The following UBAP2 variants were observed in gnomAD, a reference collection of about 807,000 sequenced individuals.
UBAP2 encodes ubiquitin-associated protein 2.
Under a neutral mutation model 139.6 loss-of-function variants are expected in UBAP2, and 75 were observed. The observed-to-expected ratio is 0.54, with a 90% CI of 0.45 to 0.65. The LOEUF (loss-of-function observed/expected upper bound fraction) is 0.65, where lower values mean the gene tolerates loss of function less well. Among genes scored for constraint, UBAP2 ranks in the 30% least tolerant of loss-of-function variants. UBAP2 has a pLI of 0.00. For synonymous variants in UBAP2, 526 were observed against 526.2 expected, an observed-to-expected ratio of 1.00 and a Z score of 0.01; for missense variants, 1,368 against 1,369.6, an observed-to-expected ratio of 1.00 and a Z score of 0.02.
rs962656822 is a variant in UBAP2, at chr9:33,926,332, G to A, written c.2511+285C>T. The stretch of plus-strand genomic sequence containing the variant: ...AAAAGAGAGAGAAAACAAGATGGAG[G>A]AGGGAAGATAAGGACCAACATTTAA... On this transcript the variant is annotated intron_variant, in intron 22 of 28. Coordinates refer to ENST00000379238, the MANE Select transcript of UBAP2 (RefSeq NM_001370062.2). Among the ~76,000 whole-genome samples the A allele has an allele frequency of 4.6e-5, 7 of 152,198 alleles. No homozygotes were observed. In the East Asian group the frequency reaches 1.3e-3, roughly 29 times the overall value.
At chr9:33,968,619 G>GA in intron 8 of UBAP2, 1 of 276,398 alleles carries the variant, frequency 3.6e-6, no homozygotes, top group Non-Finnish European at 7.1e-6. Context: ...TTTCCTTACT[G>GA]AAATAATCAT....
At chr9:33,942,236 C>T (rs138680124) in intron 15 of UBAP2, among the ~76,000 whole-genome samples, 2 of 152,172 alleles carry the variant, frequency 1.3e-5, no homozygotes, top group African/African-American at 2.4e-5. Context: ...CACTTGAACT[C>T]GGGAGGCAGA....
At chr9:34,019,057 A>T (rs765761660) in intron 1 of UBAP2, among the ~76,000 whole-genome samples, 9 of 152,168 alleles carry the variant, frequency 5.9e-5, no homozygotes. Context: ...ATGCTACCAC[A>T]TGGATGCACC....
At chr9:33,996,493 G>C in intron 3 of UBAP2, 160 bp from the exon 4 acceptor site, 2 of 564,276 alleles carry the variant, frequency 3.5e-6, no homozygotes, top group Non-Finnish European at 6.2e-6. Flanking sequence ...TTATTTTTTT[G>C]TGGCCATTCC....
chr9:33,935,923 A>G (rs1226382637), intron 16 of UBAP2, 45 bp from the exon 17 acceptor site: 7 of 1,581,238 alleles, frequency 4.4e-6, no homozygotes, highest in Non-Finnish European at 6.0e-6. Context: ...ACAAAATGAA[A>G]TCATTACCTG....
At chr9:33,992,649 A>ATCG in intron 4 of UBAP2, among the ~76,000 whole-genome samples, 1 of 48,540 alleles carries the variant, frequency 2.1e-5, no homozygotes. Context: ...AAGACAACTT[A>ATCG]TCGGGCGGAG....
chr9:33,974,588 T>C (rs1021332422), intron 6 of UBAP2, among the ~76,000 whole-genome samples: 3 of 152,114 alleles, frequency 2.0e-5, no homozygotes, highest in Admixed American at 2.0e-4. Context: ...ATAAATTATA[T>C]ATCTGATCAC....
chr9:34,018,313 G>A (rs967272311), intron 1 of UBAP2, among the ~76,000 whole-genome samples: 1 of 150,700 alleles, frequency 6.6e-6, no homozygotes, highest in South Asian at 2.1e-4. Context: ...TAAAAGAGCT[G>A]TAACACTATA....
chr9:33,935,166 G>GA lies in UBAP2; in HGVS notation c.1969+672_1969+673insT, dbSNP rs757284104. Among the ~76,000 whole-genome samples, 249 of 57,442 alleles carry GA rather than the reference G, an allele frequency of 4.3e-3. 6 individuals are homozygous for GA. Among genetic ancestry groups the GA allele is most frequent in the African/African-American group, 9.7e-3 (240 of 24,778 alleles). The allele number at this position is 57,442 out of a possible 152,430, so 37.7% of individuals were successfully genotyped here. A position where few individuals can be genotyped will look rare whatever the true frequency, so the allele number is the denominator to read the frequency against. ...ATCACTGAGCTGTTGGAAGTGGCGG[G>GA]GGGGGGGGGTCTCATTTTCTCCCAA... On this transcript the variant is annotated intron_variant, in intron 17 of 28. Transcript: ENST00000379238.
intron 1 of UBAP2, among the ~76,000 whole-genome samples, chr9:34,017,803 T>G (rs1010352274): frequency 6.6e-6 from 1 of 152,056 alleles, no homozygotes; most frequent in Non-Finnish European, 1.5e-5. Context: ...GGCAGGCATC[T>G]GTAGTCCCAG....
intron 1 of UBAP2, among the ~76,000 whole-genome samples, chr9:34,029,949 T>G (rs1430239544): frequency 4.4e-4 from 64 of 144,654 alleles, no homozygotes; most frequent in African/African-American, 1.4e-3. Context: ...ATTGCGCCAC[T>G]GCACTCCAGC....
At chr9:33,957,325 C>A (rs1826654711) in intron 10 of UBAP2, among the ~76,000 whole-genome samples, 1 of 152,128 alleles carries the variant, frequency 6.6e-6, no homozygotes, top group African/African-American at 2.4e-5. Flanking sequence ...ACATAGGCCC[C>A]CATGAAACCA....
intron 8 of UBAP2, 33 bp downstream of exon 8, chr9:33,971,617 TA>T: frequency 8.1e-7 from 1 of 1,230,054 alleles, no homozygotes; most frequent in Non-Finnish European, 1.2e-6. Flanking sequence ...CTCAAACATT[TA>T]AAACTCATCT....
intron 11 of UBAP2, among the ~76,000 whole-genome samples, chr9:33,954,799 A>G (rs572563586): frequency 6.6e-6 from 1 of 152,344 alleles, no homozygotes; most frequent in Admixed American, 6.5e-5. Context: ...AGACATAATC[A>G]TTAATCATTT....
rs1449081837 is a variant in UBAP2, at chr9:33,943,502, G to A, written c.1633C>T (p.Pro545Ser). 1 of 1,614,156 alleles carries A rather than the reference G, an allele frequency of 6.2e-7. No individual in the cohort carries two copies. Among genetic ancestry groups the A allele is most frequent in the Admixed American group, 1.7e-5 (1 of 60,012 alleles). Residue 545 changes from proline (P) to serine (S), a missense_variant, in exon 15 of 29, where the codon CCT becomes TCT. By Grantham distance (74) the Pro-to-Ser change is moderately conservative. Transcript: ENST00000379238. ...GCTGATCCAAATTCAGAGAGAGAAG[G>A]TTCTGACCCAAATTCCAGAGCCCCA... The part of the protein sequence containing the change: ...QFGALEFGSE[P>S]SLSEFGSAPS...
Position 33,950,035 on chromosome 9 carries a change from A to G in UBAP2, c.1057-1448T>C, listed in dbSNP as rs557646942. Among the ~76,000 whole-genome samples, 6 of 152,040 alleles carry G rather than the reference A, an allele frequency of 3.9e-5. No homozygotes were observed. The South Asian group carries it at 8.4e-4, about 21-fold the overall frequency. On this transcript the variant is annotated intron_variant, in intron 12 of 28. Transcript: ENST00000379238. The stretch of plus-strand genomic sequence containing the variant: ...TTACATATCAAGATCATTCTGAAAT[A>G]TAAGTTCTTCATCAAAAATAACATT...
chr9:33,988,541 A>C (rs547460574), intron 5 of UBAP2, among the ~76,000 whole-genome samples: 1 of 152,350 alleles, frequency 6.6e-6, no homozygotes, highest in African/African-American at 2.4e-5. Flanking sequence ...CTATAAATGG[A>C]GAATATAAAA....
chr9:33,949,234 TTAAA>T (rs1825895723), intron 12 of UBAP2, among the ~76,000 whole-genome samples: 1 of 152,078 alleles, frequency 6.6e-6, no homozygotes, highest in Admixed American at 6.6e-5. Context: ...AAGTTCACAA[TTAAA>T]TATCACTATT....
At position 33,922,761 on chromosome 9, in the gene UBAP2, A is replaced by C; in HGVS notation, c.3190T>G (p.Phe1064Val). ...GAAPGYAPPPFLHILPAHQQP... is the reference protein window; with the variant it reads ...GAAPGYAPPPVLHILPAHQQP... Reference sequence around the variant, plus strand: ...TGGTGGGCTGGCAAGATGTGTAGGAATGGTGGGGGTGCATAGCCAGGGGCC... The same window carrying C: ...TGGTGGGCTGGCAAGATGTGTAGGACTGGTGGGGGTGCATAGCCAGGGGCC... Residue 1064 changes from phenylalanine (F) to valine (V), a missense_variant, in exon 28 of 29, where the codon TTC becomes GTC. By Grantham distance (50) the Phe-to-Val change is conservative (BLOSUM62 -1). Coordinates refer to ENST00000379238, the MANE Select transcript of UBAP2 (RefSeq NM_001370062.2). 1 of 1,559,400 alleles carries C rather than the reference A, an allele frequency of 6.4e-7. No homozygotes were observed. Among genetic ancestry groups the C allele is most frequent in the Non-Finnish European group, 8.7e-7 (1 of 1,153,734 alleles).
Sources: gnomAD v4.1 joint callset for allele counts (sites outside exome capture counted in the v4.1 genomes callset) on GRCh38, gnomAD v4.1.1 for gene constraint, MANE v1.5 for transcripts, NCBI Gene and HGNC (gene_info 2026-07-23, HGNC 2026-07-21) for gene names.